Variants in KDM4B observed in about 807,000 individuals in gnomAD.
KDM4B encodes the protein lysine-specific demethylase 4B.
A neutral mutation model predicts 125.2 loss-of-function variants in KDM4B; 32 were observed. The observed-to-expected ratio is 0.26, with a 90% CI of 0.19 to 0.34. KDM4B has a LOEUF of 0.34. Among genes scored for constraint, KDM4B ranks in the 10% least tolerant of loss-of-function variants. KDM4B has a pLI of 1.00. For synonymous variants in KDM4B, 721 were observed against 677.9 expected (o/e 1.06, Z -0.99); for missense variants, 1,190 against 1,577.7 (o/e 0.75, Z 4.16).
chr19:5,071,079 G>C lies in KDM4B; in HGVS notation c.676+20G>C, dbSNP rs1384625307. 6.2e-7 allele frequency: 1 copy of C among 1,610,992 alleles called. No individual in the cohort carries two copies. The highest frequency in any genetic ancestry group is 1.1e-5 in the South Asian group (1 of 90,910). On this transcript the variant is annotated intron_variant, in intron 7 of 22. Transcript: ENST00000159111. The stretch of plus-strand genomic sequence containing the variant: ...CCATCGGTAGGTGCCTGCCCTGAGG[G>C]CCCCAGGGACCTGGGACCAGGTGGG...
intron 10 of KDM4B, among the ~76,000 whole-genome samples, chr19:5,118,263 A>T (rs978243922): frequency 6.6e-6 from 1 of 152,198 alleles, no homozygotes; most frequent in Non-Finnish European, 1.5e-5. Context: ...GCCCATGGGG[A>T]CAGGGGACAC....
chr19:5,031,852 C>T (rs527998726), intron 2 of KDM4B, among the ~76,000 whole-genome samples: 5 of 152,314 alleles, frequency 3.3e-5, no homozygotes, highest in South Asian at 4.1e-4. Context: ...ACCCCACTCC[C>T]GGGACTGTCT....
At chr19:5,093,327 G>T (rs115225022) in intron 9 of KDM4B, among the ~76,000 whole-genome samples, 1 of 152,208 alleles carries the variant, frequency 6.6e-6, no homozygotes, top group Non-Finnish European at 1.5e-5. Context: ...TGTGTGGGCA[G>T]CATGGAAGGC....
chr19:5,049,851 C>T (rs1599503218), intron 6 of KDM4B, among the ~76,000 whole-genome samples: 2 of 152,308 alleles, frequency 1.3e-5, no homozygotes, highest in East Asian at 3.9e-4. Flanking sequence ...CCTCTTGGAT[C>T]CTCACTGTGT....
intron 9 of KDM4B, among the ~76,000 whole-genome samples, chr19:5,084,494 A>G (rs2038413768): frequency 7.7e-6 from 1 of 130,670 alleles, no homozygotes; most frequent in African/African-American, 2.9e-5. Context: ...TATATGTTAT[A>G]ATTTATATAT....
At chr19:5,077,234 C>T in intron 7 of KDM4B, 133 bp from the exon 8 acceptor site, 1 of 741,552 alleles carries the variant, frequency 1.3e-6, no homozygotes, top group Non-Finnish European at 2.3e-6. Flanking sequence ...AAGGGCAGAT[C>T]TGGGCCGTGC....
rs375706400 is a variant in KDM4B at position 5,137,095 on chromosome 19, G to A, written c.2309-167G>A. ...GCAGTGGCCTGGATTGAAGCTCAGA[G>A]GGTGGGAACAGCACGCACCCTGAAT... On this transcript the variant is annotated intron_variant, in intron 15 of 22. Transcript: ENST00000159111. Among the ~76,000 whole-genome samples, 11 of 152,340 alleles carry A rather than the reference G, an allele frequency of 7.2e-5. No homozygotes were observed. In the East Asian group the frequency reaches 1.9e-3, roughly 27 times the overall value.
At chr19:4,973,123 T>C (rs2034318442) in intron 1 of KDM4B, among the ~76,000 whole-genome samples, 1 of 152,246 alleles carries the variant, frequency 6.6e-6, no homozygotes, top group East Asian at 1.9e-4. Flanking sequence ...ACCTCTTTGA[T>C]CTTGGCCTCT....
chr19:4,989,976 C>T (rs2034980808), intron 1 of KDM4B, among the ~76,000 whole-genome samples: 1 of 152,100 alleles, frequency 6.6e-6, no homozygotes, highest in Non-Finnish European at 1.5e-5. Context: ...CATGTCATCC[C>T]TTGTTAATTT....
chr19:5,132,567 C>T (rs1291736753), intron 13 of KDM4B, among the ~76,000 whole-genome samples: 1 of 152,148 alleles, frequency 6.6e-6, no homozygotes, highest in Non-Finnish European at 1.5e-5. Flanking sequence ...TCTAGAAGCG[C>T]GTGGGATCAC....
intron 9 of KDM4B, among the ~76,000 whole-genome samples, chr19:5,107,062 C>T (rs2039048490): frequency 6.6e-6 from 1 of 152,220 alleles, no homozygotes; most frequent in African/African-American, 2.4e-5. Context: ...GTCCCCACCT[C>T]CTGGTCTCGG....
intron 6 of KDM4B, among the ~76,000 whole-genome samples, chr19:5,051,410 A>G (rs1266865787): frequency 6.6e-6 from 1 of 152,236 alleles, no homozygotes; most frequent in Non-Finnish European, 1.5e-5. Context: ...GACACCCTGC[A>G]GGGCAGTGTT....
Position 5,047,602 on chromosome 19 carries a change from G to T in KDM4B, c.559G>T (p.Ala187Ser). ...CTTCGGCATGTGGAAGACCACCTTCGCCTGGCACACCGAGGACATGGACCT... is the reference window on the plus strand; with the variant it reads ...CTTCGGCATGTGGAAGACCACCTTCTCCTGGCACACCGAGGACATGGACCT... Reference protein sequence around the residue: ...LYFGMWKTTFAWHTEDMDLYS... With the variant: ...LYFGMWKTTFSWHTEDMDLYS... Residue 187 changes from alanine (A) to serine (S), a missense_variant, in exon 6 of 23, where the codon GCC (alanine) becomes TCC (serine). Physicochemically the swap from Ala to Ser is moderately conservative, Grantham distance 99. Coordinates refer to ENST00000159111, the MANE Select transcript of KDM4B (RefSeq NM_015015.3). 1.9e-6 allele frequency: 3 copies of T among 1,614,026 alleles called. No individual in the cohort carries two copies. The highest frequency in any genetic ancestry group is 2.5e-6 in the Non-Finnish European group (3 of 1,179,926).
chr19:5,103,306 C>T (rs1357384095), intron 9 of KDM4B, among the ~76,000 whole-genome samples: 2 of 152,212 alleles, frequency 1.3e-5, no homozygotes, highest in African/African-American at 2.4e-5. Flanking sequence ...CTGAGCCCAT[C>T]GACATTCTGA....
intron 9 of KDM4B, among the ~76,000 whole-genome samples, chr19:5,108,043 G>T (rs1347625125): frequency 6.6e-6 from 1 of 152,228 alleles, no homozygotes; most frequent in East Asian, 1.9e-4. Context: ...CTGGAGCAGG[G>T]GATGCATCTG....
At chr19:4,979,085 C>T (rs1395880747) in intron 1 of KDM4B, among the ~76,000 whole-genome samples, 1 of 152,086 alleles carries the variant, frequency 6.6e-6, no homozygotes, top group Non-Finnish European at 1.5e-5. Flanking sequence ...GAGTTCAAGA[C>T]CAGCAAGGGC....
intron 1 of KDM4B, among the ~76,000 whole-genome samples, chr19:4,998,944 C>G (rs1216247251): frequency 2.0e-5 from 3 of 152,120 alleles, no homozygotes; most frequent in Non-Finnish European, 4.4e-5. Context: ...CTAATTTGTC[C>G]CATTTCTGGT....
chr19:5,145,392 C>T (rs1438807755), intron 21 of KDM4B, among the ~76,000 whole-genome samples: 1 of 151,980 alleles, frequency 6.6e-6, no homozygotes, highest in Non-Finnish European at 1.5e-5. Flanking sequence ...ACCAGCCTGG[C>T]CAACATGGTG....
chr19:5,074,739 C>T (rs73919724), intron 7 of KDM4B: 7,006 of 152,464 alleles, frequency 0.046, 211 homozygotes, highest in Non-Finnish European at 0.067. Flanking sequence ...ACCGTGGCCC[C>T]GCTCTCCCGC....
Sources: allele counts gnomAD v4.1 joint callset (sites outside exome capture counted in the v4.1 genomes callset), GRCh38; gene constraint gnomAD v4.1.1; transcripts MANE v1.5; gene names NCBI Gene and HGNC (gene_info 2026-07-23, HGNC 2026-07-21).